The following DNM3 variants were observed in gnomAD, a reference collection of about 807,000 sequenced individuals.
The protein encoded by DNM3 is dynamin 3, also known as dynamin-3.
A neutral mutation model predicts 101.6 loss-of-function variants in DNM3; 47 were observed. The observed-to-expected ratio is 0.46, with a 90% CI of 0.37 to 0.59. The LOEUF is 0.59. Ranked by LOEUF, DNM3 falls within the 20% of genes least tolerant of loss-of-function variation. The pLI is 0.00. For missense variants in DNM3, 849 were observed against 1,085.7 expected, an observed-to-expected ratio of 0.78 and a Z score of 3.06; for synonymous variants, 385 against 387.9, an observed-to-expected ratio of 0.99 and a Z score of 0.09.
intron 15 of DNM3, among the ~76,000 whole-genome samples, chr1:172,303,717 C>T (rs2064599879): frequency 6.6e-6 from 1 of 152,090 alleles, no homozygotes; most frequent in African/African-American, 2.4e-5. Flanking sequence ...AGAGTGGGAG[C>T]CAATATTCAA....
chr1:172,213,388 TTC>T (rs1265252923), intron 14 of DNM3, among the ~76,000 whole-genome samples: 1 of 152,056 alleles, frequency 6.6e-6, no homozygotes, highest in African/African-American at 2.4e-5. Flanking sequence ...GCTGGTAATG[TTC>T]TGTTTCTTGA....
intron 2 of DNM3, among the ~76,000 whole-genome samples, chr1:171,922,205 A>C (rs1370589742): frequency 1.3e-5 from 2 of 152,016 alleles, no homozygotes; most frequent in African/African-American, 4.8e-5. Context: ...AAAATTCAAC[A>C]ACCATATAAT....
At chr1:172,372,185 G>A (rs1309966925) in intron 17 of DNM3, among the ~76,000 whole-genome samples, 1 of 150,000 alleles carries the variant, frequency 6.7e-6, no homozygotes, top group East Asian at 2.0e-4. Flanking sequence ...TTGTTCTTGC[G>A]ATAGTTTACT....
intron 1 of DNM3, among the ~76,000 whole-genome samples, chr1:171,888,939 A>C (rs2037014353): frequency 6.6e-6 from 1 of 152,180 alleles, no homozygotes; most frequent in Admixed American, 6.5e-5. Context: ...ATGGTACGTA[A>C]GAAGAAAATG....
At chr1:172,348,796 A>G (rs2067064845) in intron 17 of DNM3, among the ~76,000 whole-genome samples, 1 of 152,204 alleles carries the variant, frequency 6.6e-6, no homozygotes, top group Admixed American at 6.5e-5. Context: ...TTCAGTTATC[A>G]TAACAAATAT....
At chr1:171,957,318 C>T (rs999234151) in intron 2 of DNM3, among the ~76,000 whole-genome samples, 2 of 151,908 alleles carry the variant, frequency 1.3e-5, no homozygotes, top group African/African-American at 4.8e-5. Context: ...CTGCTTCAGC[C>T]TCCTGAGTAG....
chr1:172,311,400 G>A (rs2065073711), intron 16 of DNM3: 1 of 151,714 alleles, frequency 6.6e-6, no homozygotes, highest in African/African-American at 2.4e-5. Flanking sequence ...TCATGATTTT[G>A]TAAATTAAAC....
rs941813976 is a variant in DNM3, at chr1:172,253,570, T to C, written c.1660-3T>C. On this transcript the variant is annotated splice_polypyrimidine_tract_variant and splice_region_variant and intron_variant, in intron 14 of 20. Transcript: ENST00000627582. ...CCTCTTTTCTTTCTCTCTCTTATAA[T>C]AGGAAAAAGAAAAGAAGTACATGCT... 4.1e-5 allele frequency: 63 copies of C among 1,535,046 alleles called. No homozygotes were observed. The highest frequency in any genetic ancestry group is 5.5e-5 in the Non-Finnish European group (63 of 1,136,480).
chr1:172,207,890 T>C (rs1207646286), intron 14 of DNM3, among the ~76,000 whole-genome samples: 1 of 152,126 alleles, frequency 6.6e-6, no homozygotes, highest in African/African-American at 2.4e-5. Flanking sequence ...AACTTTATAT[T>C]AGCTTCATGC....
chr1:172,045,485 G>A (rs2049720726), intron 9 of DNM3, among the ~76,000 whole-genome samples: 1 of 152,004 alleles, frequency 6.6e-6, no homozygotes, highest in Admixed American at 6.6e-5. Context: ...TCCCATTCAT[G>A]AGGGTTCTGC....
chr1:172,388,872 G>C, intron 20 of DNM3, 63 bp downstream of exon 20: 2 of 1,305,114 alleles, frequency 1.5e-6, no homozygotes, highest in Non-Finnish European at 2.1e-6. Flanking sequence ...TAGAATGACA[G>C]ACAAAATTTA....
At chr1:172,181,506 G>T (rs927361108) in intron 14 of DNM3, among the ~76,000 whole-genome samples, 1 of 151,784 alleles carries the variant, frequency 6.6e-6, no homozygotes, top group Non-Finnish European at 1.5e-5. Flanking sequence ...TATGCATAAC[G>T]TCAATGCCTG....
Position 172,388,683 on chromosome 1 carries a change from A to C in DNM3, c.2396A>C (p.His799Pro). The change falls in exon 20 of 21, where the codon CAC (histidine) becomes CCC (proline). Residue 799 changes from histidine (H) to proline (P), a missense_variant. By Grantham distance (77) the His-to-Pro change is moderately conservative. This residue lies in a region of DNM3 where 256 missense variants were observed against 311.7 expected (regional missense o/e 0.82). Coordinates refer to ENST00000627582, the MANE Select transcript of DNM3 (RefSeq NM_015569.5). The stretch of plus-strand genomic sequence containing the variant: ...CCTGCCATTCCCTCTCCTGGCCCCC[A>C]CTCTGGGGCTCCTCCAGTCCCATTC... Reference protein sequence around the residue: ...PAPAIPSPGPHSGAPPVPFRP... With the variant: ...PAPAIPSPGPPSGAPPVPFRP... 6.2e-7 allele frequency: 1 copy of C among 1,613,540 alleles called. No individual in the cohort carries two copies. Among genetic ancestry groups the C allele is most frequent in the Non-Finnish European group, 8.5e-7 (1 of 1,179,780 alleles).
In DNM3 at chr1:172,410,721, TC is replaced by T; in HGVS notation, c.*2882del. ...GTTTATTAGCAAATTTCCTATTTGT[TC>T]CAATACAAACTCACTTTATTCTAAA... On this transcript the variant is annotated 3_prime_UTR_variant, in exon 21 of 21. Coordinates refer to ENST00000627582, the MANE Select transcript of DNM3 (RefSeq NM_015569.5). 5 of 985,334 alleles carry T rather than the reference TC, an allele frequency of 5.1e-6. No homozygotes were observed. Among genetic ancestry groups the T allele is most frequent in the Non-Finnish European group, 4.8e-6 (4 of 829,850 alleles). 61.0% of individuals were successfully genotyped at this position (985,334 alleles called of 1,614,324 possible). A position where few individuals can be genotyped will look rare whatever the true frequency, so the allele number is the denominator to read the frequency against.
intron 2 of DNM3, among the ~76,000 whole-genome samples, chr1:171,944,385 G>C (rs868202609): frequency 7.5e-6 from 1 of 132,492 alleles, no homozygotes; most frequent in Non-Finnish European, 1.6e-5. Flanking sequence ...TTATTTATTT[G>C]TTTATTTATA....
chr1:172,053,095 A>G (rs2050321180), intron 10 of DNM3, among the ~76,000 whole-genome samples: 2 of 152,104 alleles, frequency 1.3e-5, no homozygotes, highest in Non-Finnish European at 2.9e-5. Context: ...AAATTATTCA[A>G]CGACTCCTCA....
At chr1:171,950,938 C>T (rs1223485382) in intron 2 of DNM3, among the ~76,000 whole-genome samples, 1 of 151,898 alleles carries the variant, frequency 6.6e-6, no homozygotes, top group African/African-American at 2.4e-5. Context: ...CTTCCTCTTC[C>T]TCCTCCTCCT....
At chr1:171,902,031 A>T (rs1483150013) in intron 1 of DNM3, among the ~76,000 whole-genome samples, 1 of 152,260 alleles carries the variant, frequency 6.6e-6, no homozygotes, top group East Asian at 1.9e-4. Flanking sequence ...ATTTAAAAAA[A>T]TAATAATTTT....
chr1:172,076,785 G>C (rs1369751634), intron 11 of DNM3, among the ~76,000 whole-genome samples: 8 of 152,010 alleles, frequency 5.3e-5, no homozygotes, highest in African/African-American at 1.2e-4. Flanking sequence ...TCTTTTTTGT[G>C]TGTGTCTCTG....
Sources: allele counts gnomAD v4.1 joint callset (sites outside exome capture counted in the v4.1 genomes callset), GRCh38; gene constraint gnomAD v4.1.1; regional missense constraint gnomAD v4.1.1; transcripts MANE v1.5; gene names NCBI Gene and HGNC (gene_info 2026-07-23, HGNC 2026-07-21).